EYS: variants seen among roughly 807,000 people sequenced by gnomAD.
The protein encoded by EYS is protein eyes shut homolog.
EYS carries 250 observed loss-of-function variants against 282.1 expected under a neutral mutation model. That is an observed-to-expected ratio of 0.89 (90% confidence interval 0.80 to 0.98). EYS has a LOEUF of 0.98. Among genes scored for constraint, EYS ranks in the 50% least tolerant of loss-of-function variants. The pLI, the probability that EYS is intolerant of heterozygous loss-of-function variation, is 0.00. For missense variants in EYS, 4,016 were observed against 3,709.0 expected, an observed-to-expected ratio of 1.08 and a Z score of -2.15; for synonymous variants, 1,355 against 1,282.9, an observed-to-expected ratio of 1.06 and a Z score of -1.20.
chr6:65,416,358 A>G (rs1767232175), intron 5 of EYS, among the ~76,000 whole-genome samples: 2 of 152,006 alleles, frequency 1.3e-5, no homozygotes, highest in South Asian at 2.1e-4. Context: ...TAAAGAAACA[A>G]TTCTCCAAGT....
At chr6:65,586,638 T>C (rs1466394342) in intron 2 of EYS, among the ~76,000 whole-genome samples, 1 of 152,098 alleles carries the variant, frequency 6.6e-6, no homozygotes, top group Non-Finnish European at 1.5e-5. Flanking sequence ...AGTGTGTTCA[T>C]GCCCACCACA....
chr6:65,514,504 A>G (rs1767040594), intron 2 of EYS, among the ~76,000 whole-genome samples: 1 of 152,228 alleles, frequency 6.6e-6, no homozygotes, highest in South Asian at 2.1e-4. Flanking sequence ...CCAAAAGAAC[A>G]AAGCTGGAGG....
intron 31 of EYS, among the ~76,000 whole-genome samples, chr6:64,107,082 A>T (rs1272396978): frequency 6.6e-6 from 1 of 150,512 alleles, no homozygotes; most frequent in African/African-American, 2.4e-5. Flanking sequence ...CAAATTGTCG[A>T]CTTTTTCCAC....
At chr6:65,086,202 C>T (rs997624892) in intron 12 of EYS, among the ~76,000 whole-genome samples, 1 of 151,922 alleles carries the variant, frequency 6.6e-6, no homozygotes, top group African/African-American at 2.4e-5. Flanking sequence ...TATAATTCCA[C>T]CTATTTGAGA....
At chr6:64,043,695 A>G (rs745962913) in intron 33 of EYS, among the ~76,000 whole-genome samples, 1 of 152,178 alleles carries the variant, frequency 6.6e-6, no homozygotes, top group Non-Finnish European at 1.5e-5. Flanking sequence ...CACTTCACTG[A>G]TCTACTCCAA....
rs754049597 is a variant in EYS at position 64,027,080 on chromosome 6, G to A, written c.6726-27897C>T. Among the ~76,000 whole-genome samples, 99 of 152,142 alleles carry A rather than the reference G, an allele frequency of 6.5e-4. 2 individuals are homozygous for A. The highest frequency in any genetic ancestry group is 3.3e-3 in the Admixed American group (50 of 15,282). On this transcript the variant is annotated intron_variant, in intron 33 of 42. Coordinates refer to ENST00000503581, the MANE Select transcript of EYS (RefSeq NM_001142800.2). ...TTTGGAGACACCTGGTATCTTAGTC[G>A]AGTAAATGATAGAATGACAGCCGAA...
At chr6:63,753,775 C>T (rs1231363656) in intron 41 of EYS, among the ~76,000 whole-genome samples, 2 of 152,190 alleles carry the variant, frequency 1.3e-5, no homozygotes, top group East Asian at 3.8e-4. Context: ...TTCTTCTGCT[C>T]TCACTGGTAT....
intron 12 of EYS, among the ~76,000 whole-genome samples, chr6:65,162,435 G>T (rs557868309): frequency 1.3e-5 from 2 of 151,158 alleles, no homozygotes; most frequent in Non-Finnish European, 3.0e-5. Flanking sequence ...TTTTGGGAAG[G>T]TAATTCTCAA....
intron 5 of EYS, among the ~76,000 whole-genome samples, chr6:65,411,474 T>C (rs1384599075): frequency 1.3e-5 from 2 of 152,100 alleles, no homozygotes; most frequent in African/African-American, 2.4e-5. Flanking sequence ...TAACACTATA[T>C]CAAACTAGAA....
In EYS at chr6:65,629,589, A is replaced by G. The variant is rs374136409; in HGVS notation, c.-333+10189T>C. 1.4e-3 allele frequency among the ~76,000 whole-genome samples: 207 copies of G among 152,288 alleles called. 1 individual carries two copies. Among genetic ancestry groups the G allele is most frequent in the African/African-American group, 4.7e-3 (197 of 41,552 alleles). On this transcript the variant is annotated intron_variant, in intron 2 of 42. Transcript: ENST00000503581. The stretch of plus-strand genomic sequence containing the variant: ...TGCAGTTTCTTCTTCTCCCTGTCTC[A>G]TGACTGCACCCTGCACTCTTCAACT...
At chr6:64,024,688 C>T (rs969417910) in intron 33 of EYS, among the ~76,000 whole-genome samples, 5 of 152,056 alleles carry the variant, frequency 3.3e-5, no homozygotes, top group East Asian at 1.9e-4. Flanking sequence ...AGCGAGACCA[C>T]GAACTCACCG....
At chr6:64,119,996 A>T (rs1354647615) in intron 31 of EYS, among the ~76,000 whole-genome samples, 1 of 152,154 alleles carries the variant, frequency 6.6e-6, no homozygotes, top group East Asian at 1.9e-4. Context: ...TTAACATTAC[A>T]TTTGGACCTA....
intron 12 of EYS, among the ~76,000 whole-genome samples, chr6:65,192,384 T>A (rs2150240593): frequency 6.6e-6 from 1 of 150,982 alleles, no homozygotes; most frequent in African/African-American, 2.4e-5. Context: ...ACATAAAAAA[T>A]TTTATGCACC....
At chr6:64,042,858 A>G (rs986237670) in intron 33 of EYS, among the ~76,000 whole-genome samples, 13 of 152,074 alleles carry the variant, frequency 8.5e-5, no homozygotes, top group African/African-American at 3.1e-4. Context: ...CACCATCTTT[A>G]AGGACTTCCA....
intron 23 of EYS, among the ~76,000 whole-genome samples, chr6:64,624,576 A>G (rs1369153702): frequency 1.3e-5 from 2 of 152,164 alleles, no homozygotes; most frequent in Admixed American, 1.3e-4. Context: ...TGGCTATTTC[A>G]AAAGGGAAGT....
chr6:64,820,897 A>G lies in EYS; in HGVS notation c.3243+748T>C, dbSNP rs139432675. Among the ~76,000 whole-genome samples the G allele has an allele frequency of 2.2e-3, 336 of 152,202 alleles. 7 individuals carry two copies. Among genetic ancestry groups the G allele is most frequent in the Admixed American group, 0.019 (284 of 15,244 alleles). ...GTCAGAACTAGTATAGCTATGTTTT[A>G]CTGACGAGGGAGAGAGACACAAAGA... is the stretch of plus-strand genomic sequence containing the variant. On this transcript the variant is annotated intron_variant, in intron 21 of 42. Transcript: ENST00000503581.
intron 12 of EYS, among the ~76,000 whole-genome samples, chr6:65,294,105 A>G (rs1286467959): frequency 6.6e-6 from 1 of 151,768 alleles, no homozygotes; most frequent in Non-Finnish European, 1.5e-5. Context: ...TCAGATGGGA[A>G]GAATTCAAGA....
intron 26 of EYS, among the ~76,000 whole-genome samples, chr6:64,450,578 C>G (rs574171438): frequency 6.6e-6 from 1 of 152,092 alleles, no homozygotes; most frequent in African/African-American, 2.4e-5. Context: ...CACACCACAC[C>G]TATTCCAAAA....
chr6:63,723,074 A>G (rs988071101), intron 42 of EYS, among the ~76,000 whole-genome samples: 2 of 152,158 alleles, frequency 1.3e-5, no homozygotes, highest in Non-Finnish European at 2.9e-5. Flanking sequence ...ATAATTATTA[A>G]ATAAAGAAAT....
Sources: gnomAD v4.1 joint callset for allele counts (sites outside exome capture counted in the v4.1 genomes callset) on GRCh38, gnomAD v4.1.1 for gene constraint, MANE v1.5 for transcripts, NCBI Gene and HGNC (gene_info 2026-07-23, HGNC 2026-07-21) for gene names.